The following GPHN variants were observed in gnomAD, a reference collection of about 807,000 sequenced individuals.
The protein encoded by GPHN is gephyrin.
A neutral mutation model predicts 95.5 loss-of-function variants in GPHN; 17 were observed. The observed-to-expected ratio is 0.18, with a 90% CI of 0.12 to 0.27. The LOEUF is 0.27. Among genes scored for constraint, GPHN ranks in the 10% least tolerant of loss-of-function variants. The probability of loss-of-function intolerance (pLI) is 1.00; values close to 1 mark genes in which losing one functional copy is unlikely to be tolerated. For synonymous variants in GPHN, 320 were observed against 322.5 expected (o/e 0.99, Z 0.08); for missense variants, 660 against 978.1 (o/e 0.67, Z 4.34).
At chr14:67,178,764 G>T (rs1420587914) in intron 21 of GPHN, among the ~76,000 whole-genome samples, 1 of 152,128 alleles carries the variant, frequency 6.6e-6, no homozygotes, top group African/African-American at 2.4e-5. Flanking sequence ...CAACCCAAAA[G>T]ATCCTTCCCA....
At chr14:66,752,037 A>C (rs1482600855) in intron 2 of GPHN, among the ~76,000 whole-genome samples, 6 of 152,120 alleles carry the variant, frequency 3.9e-5, no homozygotes, top group Non-Finnish European at 7.4e-5. Context: ...TTTGTTACAG[A>C]TATAGCTTCT....
chr14:66,739,431 T>C (rs1304913362), intron 2 of GPHN, among the ~76,000 whole-genome samples: 2 of 151,244 alleles, frequency 1.3e-5, no homozygotes, highest in African/African-American at 4.9e-5. Flanking sequence ...TTAGCCAGAA[T>C]GGTCTCGATC....
chr14:66,825,460 C>T (rs1048542488), intron 4 of GPHN, among the ~76,000 whole-genome samples: 6 of 152,036 alleles, frequency 3.9e-5, no homozygotes, highest in Non-Finnish European at 8.8e-5. Context: ...GGTTTTCAAA[C>T]GTTAGCCTGC....
intron 10 of GPHN, among the ~76,000 whole-genome samples, chr14:67,039,580 G>T (rs765848968): frequency 6.6e-6 from 1 of 152,164 alleles, no homozygotes; most frequent in Non-Finnish European, 1.5e-5. Context: ...GATCACTTGA[G>T]CCCAGGAGTT....
At chr14:66,961,943 T>TATATATATAC (rs2068965409) in intron 8 of GPHN, among the ~76,000 whole-genome samples, 1 of 79,416 alleles carries the variant, frequency 1.3e-5, no homozygotes, top group South Asian at 4.7e-4. Flanking sequence ...TATATATATA[T>TATATATATAC]ATATACACAT....
chr14:66,662,352 CT>C (rs1164914234), intron 1 of GPHN, among the ~76,000 whole-genome samples: 1 of 152,092 alleles, frequency 6.6e-6, no homozygotes, highest in African/African-American at 2.4e-5. Context: ...GCAGCCTTCA[CT>C]GGTGATACCC....
the GPHN span, among the ~76,000 whole-genome samples, chr14:67,608,684 T>C: frequency 2.6e-5 from 4 of 152,160 alleles, no homozygotes; most frequent in African/African-American, 9.7e-5. Flanking sequence ...ACCTCAGAAA[T>C]TTATTTGTCA....
the GPHN span, chr14:67,656,356 AGGTGCAGT>A: frequency 1.4e-6 from 2 of 1,449,752 alleles, no homozygotes; most frequent in Non-Finnish European, 1.8e-6. Context: ...TACGGTTTCC[AGGTGCAGT>A]GGCCCCCTAA....
chr14:67,471,043 C>T, the GPHN span: 1 of 152,220 alleles, frequency 6.6e-6, no homozygotes, highest in Non-Finnish European at 1.5e-5. Flanking sequence ...TGGGTTGTTG[C>T]CTTCCTTTGC....
chr14:67,563,609 T>C, the GPHN span, among the ~76,000 whole-genome samples: 1 of 151,472 alleles, frequency 6.6e-6, no homozygotes, highest in Non-Finnish European at 1.5e-5. Context: ...AATTTTGTAT[T>C]TTTAGTAGAG....
In GPHN at chr14:66,733,605, A is replaced by C. The variant is rs148988767; in HGVS notation, c.144-42859A>C. On this transcript the variant is annotated intron_variant, in intron 2 of 22. Transcript: ENST00000478722. ...TGATTATCCACTTTATGTCTTTCTA[A>C]ATATTCCTTTATTTACTGATATATT... Among the ~76,000 whole-genome samples, 558 of 152,188 alleles carry C rather than the reference A, an allele frequency of 3.7e-3. 12 individuals carry two copies. Among genetic ancestry groups the C allele is most frequent in the African/African-American group, 0.013 (531 of 41,528 alleles).
In GPHN at chr14:66,508,254, GCC is replaced by G; in HGVS notation, c.-273_-272del. Reference sequence around the variant, plus strand: ...CGCCTCCGCGCGCTCTCCCCGTGCGGCCACCGCGCCCCCCAAGCTTGCCTCCT... The same window carrying G: ...CGCCTCCGCGCGCTCTCCCCGTGCGGACCGCGCCCCCCAAGCTTGCCTCCT... On this transcript the variant is annotated 5_prime_UTR_variant, in exon 1 of 23. Coordinates refer to ENST00000478722, the MANE Select transcript of GPHN (RefSeq NM_020806.5). 1 of 559,842 alleles carries G rather than the reference GCC, an allele frequency of 1.8e-6. No homozygotes were observed. The highest frequency in any genetic ancestry group is 3.0e-5 in the East Asian group (1 of 32,832). The allele number at this position is 559,842 out of a possible 1,614,324, so 34.7% of individuals were successfully genotyped here.
the GPHN span, among the ~76,000 whole-genome samples, chr14:67,245,843 C>T: frequency 2.2e-4 from 34 of 151,674 alleles, no homozygotes; most frequent in Admixed American, 7.2e-4. Context: ...GCTCAATCCA[C>T]GGTCAGAGAG....
chr14:67,451,238 A>C, the GPHN span, among the ~76,000 whole-genome samples: 2 of 152,152 alleles, frequency 1.3e-5, no homozygotes, highest in Non-Finnish European at 2.9e-5. Flanking sequence ...CTCATGGAGA[A>C]CCTCTGCTAG....
At chr14:67,173,746 AAAGT>A (rs1415499805) in intron 21 of GPHN, among the ~76,000 whole-genome samples, 1 of 152,222 alleles carries the variant, frequency 6.6e-6, no homozygotes, top group Non-Finnish European at 1.5e-5. Flanking sequence ...AAATAAATGC[AAAGT>A]AATTATCTGA....
At chr14:67,356,602 T>G in the GPHN span, among the ~76,000 whole-genome samples, 61 of 152,236 alleles carry the variant, frequency 4.0e-4, no homozygotes, top group Middle Eastern at 3.4e-3. Context: ...TAAAACAACT[T>G]TCTCAAAGTT....
At chr14:66,645,564 C>A (rs2064692460) in intron 1 of GPHN, among the ~76,000 whole-genome samples, 1 of 151,596 alleles carries the variant, frequency 6.6e-6, no homozygotes, top group Non-Finnish European at 1.5e-5. Flanking sequence ...TGGTGGTGGG[C>A]ACTTGCAATC....
chr14:67,055,767 G>A (rs1174436111), intron 10 of GPHN, among the ~76,000 whole-genome samples: 5 of 152,226 alleles, frequency 3.3e-5, no homozygotes, highest in African/African-American at 4.8e-5. Flanking sequence ...CTCGCAGTGA[G>A]TGTTACAGTT....
intron 17 of GPHN, chr14:67,143,110 G>T: frequency 2.4e-6 from 1 of 423,018 alleles, no homozygotes; most frequent in South Asian, 2.2e-5. Context: ...TTTCATTATA[G>T]TGGCTTGTTA....
Sources: gnomAD v4.1 joint callset for allele counts (sites outside exome capture counted in the v4.1 genomes callset) on GRCh38, gnomAD v4.1.1 for gene constraint, MANE v1.5 for transcripts, NCBI Gene and HGNC (gene_info 2026-07-23, HGNC 2026-07-21) for gene names.